The following KIF21B variants were observed in gnomAD, a reference collection of about 807,000 sequenced individuals.
KIF21B encodes the protein kinesin-like protein KIF21B.
Under a neutral mutation model 192.9 loss-of-function variants are expected in KIF21B, and 85 were observed. That is an observed-to-expected ratio of 0.44 (90% CI 0.37 to 0.53). The LOEUF (loss-of-function observed/expected upper bound fraction) is 0.53. KIF21B is among the 20% of genes least tolerant of loss of function. KIF21B has a pLI of 0.00. For missense variants in KIF21B, 1,716 were observed against 2,194.8 expected (o/e 0.78, Z 4.36); for synonymous variants, 832 against 884.6 (o/e 0.94, Z 1.05).
At chr1:201,020,312 C>G (rs1221773177) in intron 1 of KIF21B, among the ~76,000 whole-genome samples, 1 of 152,176 alleles carries the variant, frequency 6.6e-6, no homozygotes, top group Admixed American at 6.5e-5. Context: ...ACCCCTTTCT[C>G]GCCCCATTTG....
rs757174314 is a variant in KIF21B at position 200,976,830 on chromosome 1, C to T, written c.4389G>A (p.Gln1463=). 12 of 1,613,698 alleles carry T rather than the reference C, an allele frequency of 7.4e-6. No homozygotes were observed. The highest frequency in any genetic ancestry group is 6.8e-6 in the Non-Finnish European group (8 of 1,179,794). ...IGPVMCLTVT[Q]TASQHDLVVT... ...CCACGAGGTCATGCTGGCTGGCCGT[C>T]TGGGTGACCGTCAGGCACATCACAG... Residue 1463 remains glutamine (Q), a synonymous_variant, in exon 32 of 35, where the codon CAG becomes CAA. Transcript: ENST00000461742.
intron 1 of KIF21B, among the ~76,000 whole-genome samples, chr1:201,018,950 T>G (rs1658662931): frequency 6.6e-6 from 1 of 152,250 alleles, no homozygotes; most frequent in East Asian, 1.9e-4. Flanking sequence ...TTATTTTATT[T>G]TTGAGAAAGA....
Position 200,977,205 on chromosome 1 carries a change from C to T in KIF21B, c.4325+7G>A, listed in dbSNP as rs367851094. 2.6e-5 allele frequency: 41 copies of T among 1,607,390 alleles called. No homozygotes were observed. The highest frequency in any genetic ancestry group is 2.0e-4 in the East Asian group (9 of 44,666). On this transcript the variant is annotated splice_region_variant and intron_variant, in intron 31 of 34. Transcript: ENST00000461742. ...AACCCTCCTCCCTCCCCAGGTATCA[C>T]GCTGACCTGCTAAGCTCCCAGATGC...
chr1:200,977,295 C>A lies in KIF21B; in HGVS notation c.4242G>T (p.Gln1414His), dbSNP rs771373697. 3 of 1,614,252 alleles carry A rather than the reference C, an allele frequency of 1.9e-6. No individual in the cohort carries two copies. The Admixed American group carries it at 5.0e-5, about 27-fold the overall frequency. ...RAITSAQGEHQINQIALSPSG... is the reference protein window; with the variant it reads ...RAITSAQGEHHINQIALSPSG... ...AAGGGCTGAGGGCGATCTGGTTGAT[C>A]TGATGCTCGCCCTGAGCACTGGTGA... The change falls in exon 31 of 35, where the codon CAG becomes CAT. Residue 1414 changes from glutamine to histidine, a missense_variant. Gln to His is a conservative substitution (Grantham distance 24). This residue lies in a region of KIF21B where 580 missense variants were observed against 775.5 expected (regional missense o/e 0.75). Coordinates refer to ENST00000461742, the MANE Select transcript of KIF21B (RefSeq NM_001252102.2).
At chr1:200,976,343 C>T (rs1025965775) in intron 32 of KIF21B, among the ~76,000 whole-genome samples, 3 of 152,214 alleles carry the variant, frequency 2.0e-5, no homozygotes, top group Admixed American at 6.5e-5. Flanking sequence ...CCTCCCACCT[C>T]AGCCTCCCAA....
chr1:200,994,303 C>T (rs985343793), intron 15 of KIF21B, among the ~76,000 whole-genome samples: 7 of 152,210 alleles, frequency 4.6e-5, no homozygotes, highest in Admixed American at 2.0e-4. Context: ...GCAGGCCCCA[C>T]CCCAGTTCCA....
In KIF21B at chr1:200,974,846, A is replaced by G. The variant is rs769220889; in HGVS notation, c.4682T>C (p.Leu1561Pro). ...GATGACACCCGCACGGCAGGCGCTG[A>G]GCAGCATGGGGCGGCCCGGGATGAA... The part of the protein sequence containing the change: ...LAFIPGRPML[L>P]SACRAGVIKV... The change falls in exon 34 of 35, where the codon CTC becomes CCC. Residue 1561 changes from leucine (L) to proline (P), a missense_variant. Transcript: ENST00000461742. 1 of 1,614,206 alleles carries G rather than the reference A, an allele frequency of 6.2e-7. No homozygotes were observed. The highest frequency in any genetic ancestry group is 2.2e-5 in the East Asian group (1 of 44,890).
intron 30 of KIF21B, among the ~76,000 whole-genome samples, chr1:200,977,953 C>CG (rs780035867): frequency 1.3e-5 from 2 of 148,940 alleles, no homozygotes; most frequent in Non-Finnish European, 3.0e-5. Flanking sequence ...GGGCTGGTCT[C>CG]GAACTCCCGA....
intron 23 of KIF21B, 40 bp downstream of exon 23, chr1:200,988,453 T>C: frequency 1.9e-6 from 3 of 1,609,056 alleles, no homozygotes; most frequent in Non-Finnish European, 2.5e-6. Context: ...CCCAGGTACA[T>C]GCTGTGAGCC....
At chr1:200,995,851 A>G (rs888004006) in intron 15 of KIF21B, among the ~76,000 whole-genome samples, 9 of 152,294 alleles carry the variant, frequency 5.9e-5, no homozygotes, top group Non-Finnish European at 1.2e-4. Flanking sequence ...GAGAGGCCTC[A>G]TGTGCACTTT....
chr1:201,001,264 C>T (rs553453449), intron 9 of KIF21B: 1 of 156,458 alleles, frequency 6.4e-6, no homozygotes, highest in Admixed American at 6.2e-5. Flanking sequence ...TATACAAGCA[C>T]TGTTGGCAAT....
In KIF21B at chr1:200,990,594, G is replaced by A; in HGVS notation, c.2817C>T (p.Asp939=). The A allele has an allele frequency of 6.2e-7, 1 of 1,614,062 alleles. No individual in the cohort carries two copies. ...QRMTIVNLEA[D]MERLIKKREE... ...GGCTCACCTTGATGAGCCGCTCCAT[G>A]TCAGCCTCCAGGTTGACAATGGTCA... The change falls in exon 19 of 35, where the codon GAC becomes GAT. Residue 939 remains aspartate (D), a synonymous_variant. Coordinates refer to ENST00000461742, the MANE Select transcript of KIF21B (RefSeq NM_001252102.2). This position sits in a 1 kb window ranked among gnomAD's most constrained non-coding sequence, Gnocchi z 5.4.
Position 200,998,677 on chromosome 1 carries a change from A to T in KIF21B, c.1886-102T>A. On this transcript the variant is annotated intron_variant, in intron 13 of 34. Coordinates refer to ENST00000461742, the MANE Select transcript of KIF21B (RefSeq NM_001252102.2). The surrounding 1 kb of genome is among the most constrained non-coding windows in gnomAD (Gnocchi z 4.3). Reference sequence around the variant, plus strand: ...AGCTGGGACCCTCCTTTGGTCAGCCATGACCAATCAGTGACCAGAGACTGG... The same window carrying T: ...AGCTGGGACCCTCCTTTGGTCAGCCTTGACCAATCAGTGACCAGAGACTGG... 9.8e-7 allele frequency: 1 copy of T among 1,019,168 alleles called. No individual in the cohort carries two copies. Among genetic ancestry groups the T allele is most frequent in the Non-Finnish European group, 1.5e-6 (1 of 685,430 alleles). The allele number at this position is 1,019,168 out of a possible 1,614,324, so 63.1% of individuals were successfully genotyped here.
chr1:200,991,871 G>T, intron 16 of KIF21B, 146 bp from the exon 17 acceptor site: 1 of 821,314 alleles, frequency 1.2e-6, no homozygotes, highest in South Asian at 1.7e-5. Context: ...TGGGACCCAG[G>T]GTTGAGCTCC....
rs138915096 is a variant in KIF21B, at chr1:200,991,079, G to T, written c.2525C>A (p.Pro842His). 3 of 1,613,988 alleles carry T rather than the reference G, an allele frequency of 1.9e-6. No homozygotes were observed. The African/African-American group carries it at 4.0e-5, about 22-fold the overall frequency. The change falls in exon 18 of 35, where the codon CCC (proline) becomes CAC (histidine). Residue 842 changes from proline to histidine, a missense_variant. Transcript: ENST00000461742. ...RVAGRAGLKP[P>H]MLDSGAEVSA... ...CACCTCAGCCCCAGAGTCCAGCATG[G>T]GTGGCTTTAGTCCTGCACGCCCTGC...
intron 30 of KIF21B, 110 bp downstream of exon 30, chr1:200,979,424 GC>G (rs1655768379): frequency 4.1e-6 from 3 of 731,718 alleles, no homozygotes; most frequent in Non-Finnish European, 6.3e-6. Flanking sequence ...TGGTCTCTGT[GC>G]CCATGTAGCC....
At chr1:201,016,059 C>T (rs1290131830) in intron 1 of KIF21B, among the ~76,000 whole-genome samples, 1 of 152,232 alleles carries the variant, frequency 6.6e-6, no homozygotes, top group Non-Finnish European at 1.5e-5. Context: ...TAAGACAACC[C>T]TGTGAAGCTG....
At chr1:201,004,614 G>A in intron 6 of KIF21B, 152 bp downstream of exon 6, 1 of 1,157,296 alleles carries the variant, frequency 8.6e-7, no homozygotes, top group Non-Finnish European at 1.2e-6. Context: ...TGGTGAAATG[G>A]GGAAGCTGGG....
chr1:200,982,927 G>A lies in KIF21B; in HGVS notation c.3842+129C>T. 1.2e-6 allele frequency: 1 copy of A among 802,412 alleles called. No homozygotes were observed. The highest frequency in any genetic ancestry group is 2.1e-6 in the Non-Finnish European group (1 of 481,020). The allele number at this position is 802,412 out of a possible 1,614,324, so 49.7% of individuals were successfully genotyped here. ...ACAGGTCTGGAGAGGGGGGCAGCAG[G>A]AAGGGGAGTGGAGGGGCCGCATGCT... On this transcript the variant is annotated intron_variant, in intron 28 of 34. Coordinates refer to ENST00000461742, the MANE Select transcript of KIF21B (RefSeq NM_001252102.2). The surrounding 1 kb of genome is among the most constrained non-coding windows in gnomAD (Gnocchi z 4.7).
Sources: gnomAD v4.1 joint callset for allele counts (sites outside exome capture counted in the v4.1 genomes callset) on GRCh38, gnomAD v4.1.1 for gene constraint, gnomAD v4.1.1 regional missense constraint, Gnocchi (gnomAD v3.1) non-coding constraint, MANE v1.5 for transcripts, NCBI Gene and HGNC (gene_info 2026-07-23, HGNC 2026-07-21) for gene names.